Variants in MTREX observed in about 807,000 individuals in gnomAD.
MTREX encodes Mtr4 exosome RNA helicase.
In MTREX, 76 loss-of-function variants were observed where a neutral mutation model predicts 135.4. The observed-to-expected ratio is 0.56, with a 90% CI of 0.47 to 0.68. The LOEUF (loss-of-function observed/expected upper bound fraction) is 0.68. Ranked by LOEUF, MTREX falls within the 30% of genes least tolerant of loss-of-function variation. MTREX has a pLI of 0.00. For synonymous variants in MTREX, 404 were observed against 401.6 expected (o/e 1.01, Z -0.07); for missense variants, 920 against 1,262.1 (o/e 0.73, Z 4.11).
At chr5:55,410,729 T>G in intron 23 of MTREX, 100 bp downstream of exon 23, 1 of 567,158 alleles carries the variant, frequency 1.8e-6, no homozygotes, top group Non-Finnish European at 2.9e-6. Flanking sequence ...ATTTACATAT[T>G]ATAAGGTAAT....
chr5:55,337,801 G>T (rs1428542505), intron 5 of MTREX, among the ~76,000 whole-genome samples: 13 of 140,706 alleles, frequency 9.2e-5, no homozygotes, highest in East Asian at 6.6e-4. Context: ...TTTTTTTTTT[G>T]ATCCTTATTT....
rs1751157827 is a variant in MTREX, at chr5:55,425,480, A to C, written c.*708A>C. ...TAAGCATATAAAAAATTAGAGACTA[A>C]CTGGGATTTTTTAAAGATTATTCCA... On this transcript the variant is annotated 3_prime_UTR_variant, in exon 27 of 27. Coordinates refer to ENST00000230640, the MANE Select transcript of MTREX (RefSeq NM_015360.5). 1.4e-6 allele frequency: 1 copy of C among 709,898 alleles called. No homozygotes were observed. Among genetic ancestry groups the C allele is most frequent in the Non-Finnish European group, 2.1e-6 (1 of 477,804 alleles). The allele number at this position is 709,898 out of a possible 1,614,324, so 44.0% of individuals were successfully genotyped here.
intron 1 of MTREX, among the ~76,000 whole-genome samples, chr5:55,316,252 T>G (rs758403179): frequency 6.6e-6 from 1 of 152,120 alleles, no homozygotes; most frequent in Non-Finnish European, 1.5e-5. Context: ...TTCATAAAAA[T>G]TGAGGAGGAA....
intron 1 of MTREX, 71 bp from the exon 2 acceptor site, chr5:55,322,256 G>A (rs1482483833): frequency 3.0e-6 from 4 of 1,335,446 alleles, no homozygotes; most frequent in Non-Finnish European, 4.1e-6. Context: ...GTATAGAGCA[G>A]TATTTTATGA....
chr5:55,373,192 A>G (rs1450000484), intron 16 of MTREX, among the ~76,000 whole-genome samples: 1 of 148,864 alleles, frequency 6.7e-6, no homozygotes, highest in East Asian at 2.0e-4. Flanking sequence ...GTCTTATTAT[A>G]GGTCATAAGA....
At chr5:55,323,086 AT>A (rs59820102) in intron 2 of MTREX, among the ~76,000 whole-genome samples, 2 of 151,622 alleles carry the variant, frequency 1.3e-5, no homozygotes, top group Admixed American at 6.6e-5. Context: ...AATTTCTGTG[AT>A]TTTTTTTTAA....
intron 16 of MTREX, among the ~76,000 whole-genome samples, chr5:55,370,059 G>A (rs945957833): frequency 6.6e-6 from 1 of 151,982 alleles, no homozygotes; most frequent in African/African-American, 2.4e-5. Flanking sequence ...AAGTAGCTGG[G>A]ATTACAGGCA....
At chr5:55,403,057 C>T (rs1290909731) in intron 21 of MTREX, among the ~76,000 whole-genome samples, 2 of 151,662 alleles carry the variant, frequency 1.3e-5, no homozygotes, top group Non-Finnish European at 2.9e-5. Context: ...AAAAATTAGC[C>T]AGGCATGGTA....
At chr5:55,350,011 A>G (rs1420959693) in intron 12 of MTREX, among the ~76,000 whole-genome samples, 1 of 152,236 alleles carries the variant, frequency 6.6e-6, no homozygotes, top group Non-Finnish European at 1.5e-5. Flanking sequence ...TTAGTGAGGA[A>G]TTTAACATAC....
At chr5:55,351,066 A>C in intron 13 of MTREX, 37 bp downstream of exon 13, 1 of 1,555,252 alleles carries the variant, frequency 6.4e-7, no homozygotes, top group South Asian at 1.2e-5. Flanking sequence ...CCCCCATATC[A>C]TGTTGTATGA....
chr5:55,320,224 T>C (rs1749265640), intron 1 of MTREX, among the ~76,000 whole-genome samples: 1 of 151,406 alleles, frequency 6.6e-6, no homozygotes, highest in African/African-American at 2.4e-5. Flanking sequence ...AAAGTCTTTT[T>C]TTTTTTTTTT....
intron 20 of MTREX, among the ~76,000 whole-genome samples, chr5:55,398,287 TTTAG>T (rs60366961): frequency 0.86 from 130,100 of 151,318 alleles, 56,315 homozygotes; most frequent in South Asian, 0.92. Flanking sequence ...AACGAAGTTA[TTTAG>T]TTAGTTAATA....
chr5:55,353,020 G>A (rs898730650), intron 13 of MTREX, 148 bp from the exon 14 acceptor site: 4 of 422,424 alleles, frequency 9.5e-6, no homozygotes, highest in African/African-American at 4.1e-5. Flanking sequence ...TATAAAATAC[G>A]AAATAGGTTT....
chr5:55,367,692 T>C (rs921316620), intron 16 of MTREX, among the ~76,000 whole-genome samples: 8 of 152,240 alleles, frequency 5.3e-5, no homozygotes, highest in African/African-American at 1.2e-4. Flanking sequence ...GTGGTAATTA[T>C]GTTCAAGTGG....
chr5:55,360,755 G>A (rs928262927), intron 15 of MTREX, among the ~76,000 whole-genome samples: 4 of 152,046 alleles, frequency 2.6e-5, no homozygotes, highest in African/African-American at 9.7e-5. Flanking sequence ...TATCAAGACT[G>A]GCATACAACC....
chr5:55,308,008 C>T lies in MTREX; in HGVS notation c.-6C>T. ...GGAGGGAGATTTGCTCTCACTGCTC[C>T]CAAAAATGGCGGACGCATTCGGAGA... On this transcript the variant is annotated 5_prime_UTR_variant, in exon 1 of 27. Coordinates refer to ENST00000230640, the MANE Select transcript of MTREX (RefSeq NM_015360.5). 1 of 1,614,096 alleles carries T rather than the reference C, an allele frequency of 6.2e-7. No homozygotes were observed. The highest frequency in any genetic ancestry group is 8.5e-7 in the Non-Finnish European group (1 of 1,180,014).
chr5:55,319,940 CAGAGAT>C (rs1749261378), intron 1 of MTREX, among the ~76,000 whole-genome samples: 1 of 152,116 alleles, frequency 6.6e-6, no homozygotes. Flanking sequence ...GTTGCTTACT[CAGAGAT>C]AGAATAATAG....
intron 5 of MTREX, among the ~76,000 whole-genome samples, chr5:55,330,779 G>T (rs1254647744): frequency 6.6e-6 from 1 of 151,352 alleles, no homozygotes; most frequent in Non-Finnish European, 1.5e-5. Context: ...TGCAAATATT[G>T]CCCTTCCTTT....
intron 1 of MTREX, among the ~76,000 whole-genome samples, chr5:55,315,065 C>T (rs34803860): frequency 0.058 from 8,857 of 152,218 alleles, 451 homozygotes; most frequent in African/African-American, 0.12. Flanking sequence ...TTGTGGTAAT[C>T]TGTTACAGCA....
Sources: gnomAD v4.1 joint callset for allele counts (sites outside exome capture counted in the v4.1 genomes callset) on GRCh38, gnomAD v4.1.1 for gene constraint, MANE v1.5 for transcripts, NCBI Gene and HGNC (gene_info 2026-07-23, HGNC 2026-07-21) for gene names.